The following ATP13A4 variants were observed in gnomAD, a reference collection of about 807,000 sequenced individuals.
ATP13A4 encodes ATPase 13A4, also known as probable cation-transporting ATPase 13A4.
Under a neutral mutation model 142.5 loss-of-function variants are expected in ATP13A4, and 114 were observed. The ratio of observed to expected loss-of-function variants is 0.80; its 90% CI spans 0.69 to 0.93. The LOEUF (loss-of-function observed/expected upper bound fraction) is 0.93, where lower values mean the gene tolerates loss of function less well. ATP13A4 is among the 40% of genes least tolerant of loss of function. ATP13A4 has a pLI of 0.00. For synonymous variants in ATP13A4, 488 were observed against 514.8 expected, an observed-to-expected ratio of 0.95 and a Z score of 0.70; for missense variants, 1,392 against 1,454.0, an observed-to-expected ratio of 0.96 and a Z score of 0.69.
chr3:193,404,084 A>T, intron 29 of ATP13A4: 2 of 985,418 alleles, frequency 2.0e-6, no homozygotes. Context: ...TTGGAAACTT[A>T]GCCAGATGAG....
At chr3:193,434,372 G>T (rs1716145836) in intron 24 of ATP13A4, among the ~76,000 whole-genome samples, 1 of 152,144 alleles carries the variant, frequency 6.6e-6, no homozygotes. Context: ...AATGTTTTTA[G>T]ACAAAATTTT....
intron 1 of ATP13A4, among the ~76,000 whole-genome samples, chr3:193,517,657 T>C (rs2108687555): frequency 6.6e-6 from 1 of 151,960 alleles, no homozygotes; most frequent in Middle Eastern, 3.4e-3. Context: ...ATTTTTTTTG[T>C]ATTTTTTTAG....
chr3:193,546,313 C>T (rs1723219531), intron 1 of ATP13A4, among the ~76,000 whole-genome samples: 1 of 152,140 alleles, frequency 6.6e-6, no homozygotes, highest in Non-Finnish European at 1.5e-5. Context: ...CCTTACCACT[C>T]CCTAATTCCT....
chr3:193,589,977 A>C lies in ATP13A4; in HGVS notation n.91+3044T>G, dbSNP rs975765403. Among the ~76,000 whole-genome samples the C allele has an allele frequency of 2.0e-4, 30 of 151,636 alleles. No individual in the cohort carries two copies. In the South Asian group the frequency reaches 2.3e-3, roughly 12 times the overall value. On this transcript the variant is annotated intron_variant and non_coding_transcript_variant, in intron 1 of 3. Coordinates refer to the ATP13A4 transcript ENST00000489140. ...CTTTTGCCAAAAAAAAAAAAAAAAA[A>C]AGCTCTTTCTCATTGTTTTGGAAAT...
At position 193,412,645 on chromosome 3, in the gene ATP13A4, G is replaced by A. The variant is rs186898992; in HGVS notation, c.3015-274C>T. 6.6e-4 allele frequency among the ~76,000 whole-genome samples: 101 copies of A among 152,006 alleles called. 1 individual carries two copies. Among genetic ancestry groups the A allele is most frequent in the African/African-American group, 2.3e-3 (97 of 41,478 alleles). The stretch of plus-strand genomic sequence containing the variant: ...AGAGAGAGACAGAGAGAGAGATTCA[G>A]CCAATTATGTATTCAACAAATTATG... On this transcript the variant is annotated intron_variant, in intron 26 of 29. Transcript: ENST00000342695.
At chr3:193,460,811 C>A (rs963507456) in intron 13 of ATP13A4, among the ~76,000 whole-genome samples, 1 of 152,160 alleles carries the variant, frequency 6.6e-6, no homozygotes. Flanking sequence ...CATTCCTGTC[C>A]ACCCATTTTT....
chr3:193,489,904 T>C (rs535456847), intron 6 of ATP13A4, 40 bp from the exon 7 acceptor site: 110 of 1,600,298 alleles, frequency 6.9e-5, no homozygotes, highest in Non-Finnish European at 9.2e-5. Context: ...AGGGAGAGTT[T>C]TAGGCTTCAC....
At chr3:193,510,913 T>C (rs138220568) in intron 2 of ATP13A4, among the ~76,000 whole-genome samples, 1 of 152,326 alleles carries the variant, frequency 6.6e-6, no homozygotes, top group African/African-American at 2.4e-5. Context: ...AGTCCAGCTA[T>C]TGTAATATAA....
intron 3 of ATP13A4, among the ~76,000 whole-genome samples, chr3:193,501,667 A>G (rs930607433): frequency 1.3e-5 from 2 of 152,154 alleles, no homozygotes; most frequent in African/African-American, 4.8e-5. Context: ...ATTACTTTAA[A>G]TAACTGAACT....
chr3:193,518,885 T>G (rs1721567873), intron 1 of ATP13A4, among the ~76,000 whole-genome samples: 1 of 152,138 alleles, frequency 6.6e-6, no homozygotes, highest in Non-Finnish European at 1.5e-5. Flanking sequence ...GGAGCTACAG[T>G]CTCACCCTGT....
At chr3:193,565,134 G>T (rs1252178069) in intron 2 of ATP13A4, among the ~76,000 whole-genome samples, 3 of 152,084 alleles carry the variant, frequency 2.0e-5, no homozygotes, top group African/African-American at 7.3e-5. Context: ...TAATGAGTTT[G>T]AATCATCCTG....
intron 1 of ATP13A4, among the ~76,000 whole-genome samples, chr3:193,584,859 A>G (rs1422155999): frequency 6.6e-6 from 1 of 152,214 alleles, no homozygotes; most frequent in Non-Finnish European, 1.5e-5. Context: ...TTAAATGAAC[A>G]AATCTTCGCT....
intron 2 of ATP13A4, among the ~76,000 whole-genome samples, chr3:193,575,594 G>T (rs781562311): frequency 6.6e-6 from 1 of 152,084 alleles, no homozygotes; most frequent in Non-Finnish European, 1.5e-5. Flanking sequence ...AAAAACACGG[G>T]CATCTAACAA....
At chr3:193,492,876 T>C (rs757149155) in intron 5 of ATP13A4, 41 bp downstream of exon 5, 2 of 1,456,648 alleles carry the variant, frequency 1.4e-6, no homozygotes, top group Non-Finnish European at 1.9e-6. Context: ...TAACTGATAA[T>C]AATCCTTTTG....
intron 2 of ATP13A4, among the ~76,000 whole-genome samples, chr3:193,505,976 G>T (rs1002868889): frequency 6.6e-6 from 1 of 152,172 alleles, no homozygotes; most frequent in Admixed American, 6.5e-5. Flanking sequence ...AGGATTAAAT[G>T]AAGTATACAT....
At chr3:193,469,101 GA>G (rs1261993757) in intron 9 of ATP13A4, among the ~76,000 whole-genome samples, 12 of 152,160 alleles carry the variant, frequency 7.9e-5, no homozygotes, top group Admixed American at 7.9e-4. Context: ...AGATTACTTA[GA>G]GACCAAGTAT....
At chr3:193,573,798 T>G (rs1349197935) in intron 2 of ATP13A4, among the ~76,000 whole-genome samples, 1 of 152,256 alleles carries the variant, frequency 6.6e-6, no homozygotes, top group Admixed American at 6.5e-5. Context: ...AAATTTAGCC[T>G]TTGTACACAA....
chr3:193,421,832 A>C (rs1024212459), intron 25 of ATP13A4, among the ~76,000 whole-genome samples: 2 of 149,760 alleles, frequency 1.3e-5, no homozygotes, highest in African/African-American at 4.9e-5. Flanking sequence ...AAAACTCAGC[A>C]CTGGAGAAAA....
intron 7 of ATP13A4, among the ~76,000 whole-genome samples, chr3:193,488,137 G>A (rs540939047): frequency 7.9e-5 from 12 of 152,102 alleles, no homozygotes; most frequent in Non-Finnish European, 1.8e-4. Context: ...GGTGGCACAT[G>A]CCTGTAATCC....
Sources: gnomAD v4.1 joint callset for allele counts (sites outside exome capture counted in the v4.1 genomes callset) on GRCh38, gnomAD v4.1.1 for gene constraint, MANE v1.5 for transcripts, NCBI Gene and HGNC (gene_info 2026-07-23, HGNC 2026-07-21) for gene names.